Variants in C1orf141 observed in about 807,000 individuals in gnomAD.
The protein encoded by C1orf141 is chromosome 1 open reading frame 141.
Under a neutral mutation model 23.2 loss-of-function variants are expected in C1orf141, and 19 were observed. The observed-to-expected ratio is 0.82, with a 90% confidence interval of 0.57 to 1.20. The LOEUF (loss-of-function observed/expected upper bound fraction) is 1.20, where lower values mean the gene tolerates loss of function less well. Among genes scored for constraint, C1orf141 ranks in the 50% most tolerant of loss-of-function variants. C1orf141 has a pLI of 0.00. For synonymous variants in C1orf141, 153 were observed against 154.6 expected (o/e 0.99, Z 0.08); for missense variants, 469 against 455.1 (o/e 1.03, Z -0.28).
intron 5 of C1orf141, among the ~76,000 whole-genome samples, chr1:67,112,380 G>T (rs1422342047): frequency 7.9e-5 from 12 of 151,976 alleles, no homozygotes. Context: ...ACATTTTAGT[G>T]GGTAATATGG....
At chr1:67,106,594 G>T (rs1408471209) in intron 5 of C1orf141, among the ~76,000 whole-genome samples, 1 of 152,160 alleles carries the variant, frequency 6.6e-6, no homozygotes, top group African/African-American at 2.4e-5. Context: ...GGAGGCAGAG[G>T]TTGCAGCAAG....
chr1:67,139,152 A>T (rs1646611259), upstream of C1orf141: 1 of 152,302 alleles, frequency 6.6e-6, no homozygotes, highest in Admixed American at 6.5e-5. Context: ...TCTTCAGCTA[A>T]CATGATCCAG....
intron 5 of C1orf141, among the ~76,000 whole-genome samples, chr1:67,111,129 G>A (rs1377243661): frequency 6.6e-6 from 1 of 151,842 alleles, no homozygotes; most frequent in Non-Finnish European, 1.5e-5. Context: ...AGTCAATAGT[G>A]TTGGTTCCAA....
chr1:67,105,638 C>A (rs747931931), intron 5 of C1orf141, among the ~76,000 whole-genome samples: 8 of 150,982 alleles, frequency 5.3e-5, no homozygotes, highest in Non-Finnish European at 1.2e-4. Context: ...CACACAGACA[C>A]ACACACAGAC....
intron 5 of C1orf141, among the ~76,000 whole-genome samples, chr1:67,102,307 C>CGTGTGTGTGT (rs57508145): frequency 3.3e-4 from 46 of 139,682 alleles, no homozygotes; most frequent in African/African-American, 1.2e-3. Flanking sequence ...TCTTCTGCTC[C>CGTGTGTGTGT]GTGTGTGTGT....
chr1:67,133,192 G>A (rs765504161), intron 1 of C1orf141, among the ~76,000 whole-genome samples: 2 of 152,178 alleles, frequency 1.3e-5, no homozygotes, highest in African/African-American at 2.4e-5. Flanking sequence ...CAGCTGAGAA[G>A]AGTTCTTCAG....
chr1:67,118,754 T>C (rs1445739558), intron 4 of C1orf141, among the ~76,000 whole-genome samples: 3 of 152,330 alleles, frequency 2.0e-5, no homozygotes, highest in Non-Finnish European at 4.4e-5. Flanking sequence ...GTCTAACTCC[T>C]TCTCTCCCTG....
At chr1:67,109,689 CCTCTTTTTT>C (rs1646023515) in intron 5 of C1orf141, among the ~76,000 whole-genome samples, 1 of 152,126 alleles carries the variant, frequency 6.6e-6, no homozygotes, top group African/African-American at 2.4e-5. Context: ...CTTCCTTGTG[CCTCTTTTTT>C]CTCAGGGATA....
chr1:67,105,460 AATT>A (rs1347248990), intron 5 of C1orf141, among the ~76,000 whole-genome samples: 1 of 152,142 alleles, frequency 6.6e-6, no homozygotes, highest in Non-Finnish European at 1.5e-5. Flanking sequence ...CTATCACCAC[AATT>A]ATTTATAAAT....
intron 5 of C1orf141, among the ~76,000 whole-genome samples, chr1:67,099,767 ACT>A (rs1231204984): frequency 6.6e-6 from 1 of 152,158 alleles, no homozygotes; most frequent in Admixed American, 6.5e-5. Context: ...CAAAAGTGAA[ACT>A]CTGTCTCAAA....
At chr1:67,111,405 T>C (rs1646069730) in intron 5 of C1orf141, among the ~76,000 whole-genome samples, 1 of 152,178 alleles carries the variant, frequency 6.6e-6, no homozygotes, top group Admixed American at 6.5e-5. Flanking sequence ...TCTTCTCTAC[T>C]GTCTCCATAC....
chr1:67,117,422 C>T (rs550308390), intron 4 of C1orf141, among the ~76,000 whole-genome samples: 27 of 150,758 alleles, frequency 1.8e-4, no homozygotes, highest in South Asian at 1.7e-3. Context: ...GATTCTGTCT[C>T]GAAAGAAAAA....
At chr1:67,115,317 A>T in intron 5 of C1orf141, 35 bp downstream of exon 5, 1 of 784,170 alleles carries the variant, frequency 1.3e-6, no homozygotes, top group Admixed American at 2.3e-5. Flanking sequence ...CCCATTAATA[A>T]ATCAAAGAAG....
chr1:67,128,129 C>A (rs1277741450), intron 2 of C1orf141, among the ~76,000 whole-genome samples: 1 of 152,022 alleles, frequency 6.6e-6, no homozygotes, highest in Non-Finnish European at 1.5e-5. Flanking sequence ...GGTCCCATTG[C>A]CATAATGGTT....
At chr1:67,111,363 G>A (rs1646068183) in intron 5 of C1orf141, among the ~76,000 whole-genome samples, 1 of 151,986 alleles carries the variant, frequency 6.6e-6, no homozygotes, top group South Asian at 2.1e-4. Flanking sequence ...AATCTCTACT[G>A]TATTGAAATA....
At chr1:67,104,318 G>A in intron 5 of C1orf141, among the ~76,000 whole-genome samples, 1 of 152,050 alleles carries the variant, frequency 6.6e-6, no homozygotes, top group East Asian at 1.9e-4. Context: ...GCATAAGCCT[G>A]GAATGTTCAT....
chr1:67,116,455 G>A (rs1487359191), intron 4 of C1orf141, among the ~76,000 whole-genome samples: 1 of 151,410 alleles, frequency 6.6e-6, no homozygotes, highest in African/African-American at 2.4e-5. Context: ...GCCTTCTTCT[G>A]TTTGCTCTCC....
upstream of C1orf141, among the ~76,000 whole-genome samples, chr1:67,135,906 C>CAAAAAAAAAAAAAAAAAAAAAAAAAAAAA (rs59519661): frequency 1.6e-5 from 1 of 62,620 alleles, no homozygotes; most frequent in Admixed American, 2.6e-4. Context: ...GGCAAAACTG[C>CAAAAAAAAAAAAAAAAAAAAAAAAAAAAA]AAAAAAAAAA....
In C1orf141 at chr1:67,092,574, G is replaced by A. The variant is rs74486993; in HGVS notation, c.*431C>T. 2,029 of 153,516 alleles carry A rather than the reference G, an allele frequency of 0.013. 17 individuals carry two copies. Among genetic ancestry groups the A allele is most frequent in the Non-Finnish European group, 0.021 (1,469 of 68,672 alleles). 9.5% of individuals were successfully genotyped at this position (153,516 alleles called of 1,614,324 possible). ...ACTATTGATGATGATTTGCTGAAAT[G>A]CTGGTATACAATTAACTCCACAGTC... On this transcript the variant is annotated 3_prime_UTR_variant, in exon 8 of 8. Transcript: ENST00000684719.
Sources: gnomAD v4.1 joint callset for allele counts (sites outside exome capture counted in the v4.1 genomes callset) on GRCh38, gnomAD v4.1.1 for gene constraint, MANE v1.5 for transcripts, NCBI Gene and HGNC (gene_info 2026-07-23, HGNC 2026-07-21) for gene names.